The following CELF4 variants were observed in gnomAD, a reference collection of about 807,000 sequenced individuals.
CELF4 encodes the protein CUGBP Elav-like family member 4.
CELF4 carries 18 observed loss-of-function variants against 59.9 expected under a neutral mutation model. The observed-to-expected ratio is 0.30, with a 90% CI of 0.21 to 0.45. The LOEUF (loss-of-function observed/expected upper bound fraction) is 0.45, where lower values mean the gene tolerates loss of function less well. Among genes scored for constraint, CELF4 ranks in the 20% least tolerant of loss-of-function variants. The pLI is 1.00. For missense variants in CELF4, 456 were observed against 689.0 expected (o/e 0.66, Z 3.79); for synonymous variants, 261 against 267.1 (o/e 0.98, Z 0.22).
In CELF4 at chr18:37,323,774, C is replaced by A. The variant is rs188860479; in HGVS notation, c.370-1893G>T. 2.9e-3 allele frequency among the ~76,000 whole-genome samples: 436 copies of A among 152,292 alleles called. 2 individuals carry two copies. The highest frequency in any genetic ancestry group is 9.6e-3 in the African/African-American group (398 of 41,562). On this transcript the variant is annotated intron_variant, in intron 2 of 12. Transcript: ENST00000420428. ...TTTCTGCTTATGTAATTTTACAATT[C>A]TCTGAGGTAGGGATTATTATATCCA...
chr18:37,404,258 C>T (rs17682389), intron 2 of CELF4, among the ~76,000 whole-genome samples: 1,658 of 152,302 alleles, frequency 0.011, 52 homozygotes, highest in East Asian at 0.063. Context: ...AGCTCATGCC[C>T]GGTTCTTGAA....
chr18:37,412,368 T>C (rs1238346556), intron 2 of CELF4, among the ~76,000 whole-genome samples: 1 of 152,156 alleles, frequency 6.6e-6, no homozygotes, highest in Non-Finnish European at 1.5e-5. Flanking sequence ...AGAGACAGCA[T>C]GTTTCTTCTT....
At chr18:37,557,103 C>T (rs1168362749) in intron 1 of CELF4, among the ~76,000 whole-genome samples, 5 of 152,140 alleles carry the variant, frequency 3.3e-5, no homozygotes, top group East Asian at 1.9e-4. Context: ...GTGTGAAATA[C>T]GACAGTAGCA....
intron 2 of CELF4, among the ~76,000 whole-genome samples, chr18:37,368,952 T>A (rs1031713435): frequency 1.3e-5 from 2 of 152,202 alleles, no homozygotes; most frequent in Non-Finnish European, 2.9e-5. Flanking sequence ...CCTGCACACA[T>A]GACCACATGC....
At position 37,444,652 on chromosome 18, in the gene CELF4, A is replaced by ACACACACACACACACACG. The variant is rs71168259; in HGVS notation, c.369+40872_369+40873insCGTGTGTGTGTGTGTGTG. On this transcript the variant is annotated intron_variant, in intron 2 of 12. Transcript: ENST00000420428. ...CACACACACACACACACACACACACACGCGAACGATGCAGTTTCAGAGGAG... is the reference window on the plus strand; with the variant it reads ...CACACACACACACACACACACACACACACACACACACACACACGCGCGAACGATGCAGTTTCAGAGGAG... Among the ~76,000 whole-genome samples, 350 of 144,094 alleles carry ACACACACACACACACACG rather than the reference A, an allele frequency of 2.4e-3. 1 individual carries two copies. Among genetic ancestry groups the ACACACACACACACACACG allele is most frequent in the African/African-American group, 8.6e-3 (333 of 38,540 alleles). The allele number at this position is 144,094 out of a possible 152,430, so 94.5% of individuals were successfully genotyped here.
rs578248621 is a variant in CELF4 at position 37,534,098 on chromosome 18, G to T, written c.286+31258C>A. Among the ~76,000 whole-genome samples the T allele has an allele frequency of 2.6e-5, 4 of 152,302 alleles. No individual in the cohort carries two copies. In the East Asian group the frequency reaches 7.7e-4, roughly 29 times the overall value. ...CTTACTGACAGGCTCCTGGGTATTG[G>T]CAATATTTGCCTTATGGCATCAGAG... On this transcript the variant is annotated intron_variant, in intron 1 of 12. Coordinates refer to ENST00000420428, the MANE Select transcript of CELF4 (RefSeq NM_020180.4).
intron 2 of CELF4, among the ~76,000 whole-genome samples, chr18:37,413,084 A>G (rs560719987): frequency 2.1e-4 from 32 of 152,192 alleles, no homozygotes; most frequent in Admixed American, 8.5e-4. Context: ...CTGTCACAGC[A>G]CATCTTGTTA....
At chr18:37,439,945 T>C (rs1322494028) in intron 2 of CELF4, among the ~76,000 whole-genome samples, 7 of 152,150 alleles carry the variant, frequency 4.6e-5, no homozygotes, top group African/African-American at 1.7e-4. Context: ...CAGGGTCCTG[T>C]CCTCAGAGGT....
At chr18:37,438,559 C>T (rs2099701095) in intron 2 of CELF4, among the ~76,000 whole-genome samples, 1 of 152,126 alleles carries the variant, frequency 6.6e-6, no homozygotes, top group Non-Finnish European at 1.5e-5. Context: ...TGGCTGCATC[C>T]TAACTTTGGA....
chr18:37,543,474 G>A (rs1168692428), intron 1 of CELF4, among the ~76,000 whole-genome samples: 1 of 152,060 alleles, frequency 6.6e-6, no homozygotes, highest in Non-Finnish European at 1.5e-5. Context: ...GGCTTTTTTT[G>A]TGTGTTACCT....
intron 2 of CELF4, among the ~76,000 whole-genome samples, chr18:37,419,049 G>T (rs1020452550): frequency 5.9e-5 from 9 of 152,166 alleles, no homozygotes; most frequent in African/African-American, 2.2e-4. Flanking sequence ...GCTGGAGCTG[G>T]GGTGTCCAAC....
intron 1 of CELF4, among the ~76,000 whole-genome samples, chr18:37,535,861 G>A (rs1306220510): frequency 6.6e-6 from 1 of 152,168 alleles, no homozygotes; most frequent in African/African-American, 2.4e-5. Context: ...AAAGGACCTT[G>A]CTAACCTTTC....
chr18:37,281,779 G>A (rs530123395), intron 3 of CELF4, among the ~76,000 whole-genome samples: 5 of 152,304 alleles, frequency 3.3e-5, no homozygotes, highest in African/African-American at 1.2e-4. Flanking sequence ...AGAGTCTGGA[G>A]CCCAGGGTCA....
Position 37,565,694 on chromosome 18 carries a change from C to CTG in CELF4, c.-54_-53insCA. Reference sequence around the variant, plus strand: ...TTCTCGCTCACACTCTCTCGCTCCTCTCTCTCGCTCGCTCGCGCTCACACA... The same window carrying CTG: ...TTCTCGCTCACACTCTCTCGCTCCTCTGTCTCTCGCTCGCTCGCGCTCACACA... On this transcript the variant is annotated 5_prime_UTR_variant, in exon 1 of 13. Transcript: ENST00000420428. 1 of 1,385,042 alleles carries CTG rather than the reference C, an allele frequency of 7.2e-7. No individual in the cohort carries two copies. Among genetic ancestry groups the CTG allele is most frequent in the South Asian group, 1.4e-5 (1 of 71,236 alleles). The allele number at this position is 1,385,042 out of a possible 1,614,324, so 85.8% of individuals were successfully genotyped here. A position where few individuals can be genotyped will look rare whatever the true frequency, so the allele number is the denominator to read the frequency against.
chr18:37,519,614 C>T (rs2099954850), intron 1 of CELF4, among the ~76,000 whole-genome samples: 1 of 152,180 alleles, frequency 6.6e-6, no homozygotes, highest in Non-Finnish European at 1.5e-5. Flanking sequence ...AAATAAGATG[C>T]CGAGATCTGT....
intron 2 of CELF4, among the ~76,000 whole-genome samples, chr18:37,416,495 T>A (rs981208850): frequency 6.6e-6 from 1 of 152,170 alleles, no homozygotes; most frequent in Non-Finnish European, 1.5e-5. Flanking sequence ...CCCCAAAGCA[T>A]CTTGGTACCT....
intron 3 of CELF4, among the ~76,000 whole-genome samples, chr18:37,316,635 A>T (rs1382922036): frequency 2.0e-5 from 3 of 151,310 alleles, no homozygotes; most frequent in Non-Finnish European, 4.4e-5. Flanking sequence ...CCAGCTCTCC[A>T]CCTCTTGATC....
At chr18:37,394,113 T>C (rs2099206685) in intron 2 of CELF4, among the ~76,000 whole-genome samples, 1 of 152,080 alleles carries the variant, frequency 6.6e-6, no homozygotes, top group Non-Finnish European at 1.5e-5. Context: ...CCGCGGCAGA[T>C]GCTCGGGGAC....
chr18:37,319,051 G>A (rs537594794), intron 3 of CELF4, among the ~76,000 whole-genome samples: 21 of 152,306 alleles, frequency 1.4e-4, no homozygotes, highest in Admixed American at 7.8e-4. Context: ...TCTCCTCTCC[G>A]GAACTGCTGC....
Sources: gnomAD v4.1 joint callset for allele counts (sites outside exome capture counted in the v4.1 genomes callset) on GRCh38, gnomAD v4.1.1 for gene constraint, MANE v1.5 for transcripts, NCBI Gene and HGNC (gene_info 2026-07-23, HGNC 2026-07-21) for gene names.